Variants in OSMR observed in about 807,000 individuals in gnomAD.
OSMR encodes oncostatin M receptor.
OSMR carries 81 observed loss-of-function variants against 99.9 expected under a neutral mutation model. That is an observed-to-expected ratio of 0.81 (90% confidence interval 0.68 to 0.97). The LOEUF is 0.97. OSMR is among the 50% of genes least tolerant of loss of function. The pLI is 0.00. For synonymous variants in OSMR, 406 were observed against 410.4 expected, an observed-to-expected ratio of 0.99 and a Z score of 0.13; for missense variants, 1,099 against 1,153.4, an observed-to-expected ratio of 0.95 and a Z score of 0.68.
chr5:38,902,782 T>A (rs62352605), intron 7 of OSMR, among the ~76,000 whole-genome samples: 25,807 of 152,106 alleles, frequency 0.17, 2,337 homozygotes, highest in African/African-American at 0.21. Context: ...TGGTTCCCTC[T>A]CAGATGTCTC....
chr5:38,944,609 C>A, intron 2 of OSMR: 1 of 1,509,616 alleles, frequency 6.6e-7, no homozygotes, highest in South Asian at 1.2e-5. Flanking sequence ...TTATCTATGT[C>A]ACAATAAAAT....
downstream of OSMR, among the ~76,000 whole-genome samples, chr5:38,937,620 C>T (rs1272514400): frequency 1.3e-5 from 2 of 152,162 alleles, no homozygotes; most frequent in African/African-American, 4.8e-5. This position sits in a 1 kb window ranked among gnomAD's most constrained non-coding sequence, Gnocchi z 4.0. Context: ...TCACCACTGT[C>T]ATATCATCAT....
At chr5:38,919,614 G>A (rs1038966914) in intron 11 of OSMR, 4 of 292,012 alleles carry the variant, frequency 1.4e-5, no homozygotes, top group African/African-American at 8.9e-5. Context: ...CAAATCAATA[G>A]TGATATTAAT....
At chr5:38,860,249 C>T (rs889026999) in intron 1 of OSMR, among the ~76,000 whole-genome samples, 2 of 152,092 alleles carry the variant, frequency 1.3e-5, no homozygotes, top group African/African-American at 4.8e-5. Flanking sequence ...TCTTCTATGC[C>T]TAGTTTGTTG....
At chr5:38,899,270 G>A (rs892388842) in intron 7 of OSMR, among the ~76,000 whole-genome samples, 2 of 151,948 alleles carry the variant, frequency 1.3e-5, no homozygotes, top group South Asian at 2.1e-4. Context: ...AAGGCCCAAG[G>A]ACTCTTTAGT....
chr5:38,885,489 G>A lies in OSMR; in HGVS notation c.839+5G>A, dbSNP rs749111638. ...AAGCTACACTTTATTTGAATCGTAA[G>A]TTGGCTCTGGTTACATTATTGACAA... On this transcript the variant is annotated splice_donor_5th_base_variant and intron_variant, in intron 6 of 17. Coordinates refer to ENST00000274276, the MANE Select transcript of OSMR (RefSeq NM_003999.3). 10 of 1,613,870 alleles carry A rather than the reference G, an allele frequency of 6.2e-6. No individual in the cohort carries two copies. In the East Asian group the frequency reaches 1.6e-4, roughly 25 times the overall value.
At chr5:38,945,257 G>T (rs1417536166), downstream of OSMR, 2 of 618,138 alleles carry the variant, frequency 3.2e-6, no homozygotes, top group Non-Finnish European at 5.6e-6. Context: ...GCCTGGACAG[G>T]GCTGTTCACA....
At chr5:38,884,264 C>G (rs191918467) in intron 5 of OSMR, among the ~76,000 whole-genome samples, 153 bp downstream of exon 5, 41 of 152,284 alleles carry the variant, frequency 2.7e-4, no homozygotes, top group African/African-American at 9.6e-4. Flanking sequence ...AGTCGATGTC[C>G]TTTAGTAATA....
chr5:38,931,807 T>C, intron 15 of OSMR, 76 bp from the exon 16 acceptor site: 1 of 1,574,458 alleles, frequency 6.4e-7, no homozygotes, highest in Non-Finnish European at 8.7e-7. Flanking sequence ...TTACTTTCAA[T>C]CATAAACTTG....
intron 7 of OSMR, among the ~76,000 whole-genome samples, chr5:38,895,009 CA>C (rs1744411804): frequency 6.6e-6 from 1 of 151,048 alleles, no homozygotes; most frequent in Non-Finnish European, 1.5e-5. Context: ...TTTAGGTAAA[CA>C]ACAAAATGAA....
In OSMR at chr5:38,907,688, T is replaced by C. The variant is rs548524314; in HGVS notation, c.1285+3185T>C. On this transcript the variant is annotated intron_variant, in intron 9 of 17. Coordinates refer to ENST00000274276, the MANE Select transcript of OSMR (RefSeq NM_003999.3). ...ATATCATAGCTGCTTTGCTGGCAGATGGCACCTGACCATTGGAGATTTCCA... is the reference window on the plus strand; with the variant it reads ...ATATCATAGCTGCTTTGCTGGCAGACGGCACCTGACCATTGGAGATTTCCA... Among the ~76,000 whole-genome samples the C allele has an allele frequency of 6.6e-5, 10 of 152,278 alleles. No individual in the cohort carries two copies. The South Asian group carries it at 2.1e-3, about 32-fold the overall frequency.
chr5:38,848,131 G>A (rs1444936438), intron 1 of OSMR, among the ~76,000 whole-genome samples: 1 of 152,210 alleles, frequency 6.6e-6, no homozygotes, highest in Non-Finnish European at 1.5e-5. Flanking sequence ...GGAAAGGACT[G>A]GGGCATTCAT....
chr5:38,882,493 T>G (rs1743367163), intron 4 of OSMR, among the ~76,000 whole-genome samples: 1 of 152,064 alleles, frequency 6.6e-6, no homozygotes, highest in South Asian at 2.1e-4. Flanking sequence ...GAGAATCGCT[T>G]GAACCCAGGA....
chr5:38,849,969 C>T (rs1740226936), intron 1 of OSMR, among the ~76,000 whole-genome samples: 1 of 152,128 alleles, frequency 6.6e-6, no homozygotes, highest in African/African-American at 2.4e-5. Flanking sequence ...TAGCTGGGAT[C>T]TTTTTCATAT....
Position 38,854,418 on chromosome 5 carries a change from T to C in OSMR, c.-14+8031T>C, listed in dbSNP as rs76881637. Among the ~76,000 whole-genome samples the C allele has an allele frequency of 0.023, 3,578 of 152,292 alleles. 403 individuals carry two copies. The East Asian group carries it at 0.39, about 16-fold the overall frequency. On this transcript the variant is annotated intron_variant, in intron 1 of 17. Coordinates refer to ENST00000274276, the MANE Select transcript of OSMR (RefSeq NM_003999.3). ...TGTGTTTTATTACGCATGTGATATT[T>C]TTCTGAGGGATTTTCATAAGCATCT... is the stretch of plus-strand genomic sequence containing the variant.
chr5:38,915,005 T>A (rs1369495226), intron 9 of OSMR, among the ~76,000 whole-genome samples: 1 of 152,170 alleles, frequency 6.6e-6, no homozygotes, highest in African/African-American at 2.4e-5. Context: ...AAAGAGAGTT[T>A]CTAGGAAGTA....
At chr5:38,944,779 A>T in intron 2 of OSMR, 1 of 929,220 alleles carries the variant, frequency 1.1e-6, no homozygotes, top group Non-Finnish European at 1.7e-6. Context: ...TAACAGTGTT[A>T]AATTGCTTCA....
intron 12 of OSMR, among the ~76,000 whole-genome samples, chr5:38,922,391 T>C (rs1223616858): frequency 6.6e-6 from 1 of 152,032 alleles, no homozygotes; most frequent in Non-Finnish European, 1.5e-5. Context: ...TGGTGGGTTG[T>C]GGAAGGAGAT....
At chr5:38,925,529 C>CA (rs1222294263) in intron 15 of OSMR, among the ~76,000 whole-genome samples, 158 bp downstream of exon 15, 3 of 151,770 alleles carry the variant, frequency 2.0e-5, no homozygotes, top group African/African-American at 4.8e-5. Context: ...CTTTTTGTCA[C>CA]AAAAAAAGGG....
Sources: gnomAD v4.1 joint callset for allele counts (sites outside exome capture counted in the v4.1 genomes callset) on GRCh38, gnomAD v4.1.1 for gene constraint, Gnocchi (gnomAD v3.1) non-coding constraint, MANE v1.5 for transcripts, NCBI Gene and HGNC (gene_info 2026-07-23, HGNC 2026-07-21) for gene names.